The following LRRFIP1 variants were observed in gnomAD, a reference collection of about 807,000 sequenced individuals.
LRRFIP1 encodes leucine-rich repeat flightless-interacting protein 1.
Under a neutral mutation model 104.4 loss-of-function variants are expected in LRRFIP1, and 62 were observed. That is an observed-to-expected ratio of 0.59 (90% CI 0.48 to 0.73). LRRFIP1 has a LOEUF of 0.73. LRRFIP1 is among the 30% of genes least tolerant of loss of function. The pLI is 0.00. For missense variants in LRRFIP1, 796 were observed against 824.5 expected (o/e 0.97, Z 0.42); for synonymous variants, 300 against 299.0 (o/e 1.00, Z -0.03).
chr2:237,739,837 G>T (rs1039499871), intron 11 of LRRFIP1, among the ~76,000 whole-genome samples: 1 of 152,126 alleles, frequency 6.6e-6, no homozygotes, highest in Admixed American at 6.5e-5. Flanking sequence ...TCTCATTATT[G>T]TGTGTTTTCC....
At chr2:237,692,502 G>T in intron 1 of LRRFIP1, 4 of 1,532,690 alleles carry the variant, frequency 2.6e-6, no homozygotes, top group Non-Finnish European at 3.5e-6. Context: ...GACTGTTTGA[G>T]CCCGGAAGCG....
chr2:237,692,938 G>T lies in LRRFIP1; in HGVS notation c.97-15606G>T, dbSNP rs534777208. ...CCGCTGTTGGAACCACCGGGGAGCGGCTGGGGTGCTTTGGAGCACTCAACC... is the reference window on the plus strand; with the variant it reads ...CCGCTGTTGGAACCACCGGGGAGCGTCTGGGGTGCTTTGGAGCACTCAACC... On this transcript the variant is annotated intron_variant, in intron 1 of 23. Transcript: ENST00000308482. 3.6e-3 allele frequency among the ~76,000 whole-genome samples: 543 copies of T among 152,340 alleles called. 1 individual carries two copies. Among genetic ancestry groups the T allele is most frequent in the Non-Finnish European group, 3.4e-3 (229 of 68,026 alleles).
At chr2:237,632,205 A>ACCGCCCC (rs1559431295) in intron 1 of LRRFIP1, among the ~76,000 whole-genome samples, 3 of 149,796 alleles carry the variant, frequency 2.0e-5, no homozygotes, top group African/African-American at 2.5e-5. Flanking sequence ...AAGGGGTCAC[A>ACCGCCCC]CAGCCCCCAA....
In LRRFIP1 at chr2:237,711,614, G is replaced by T. The variant is rs370457397; in HGVS notation, c.184-2645G>T. On this transcript the variant is annotated intron_variant, in intron 2 of 23. Transcript: ENST00000308482. The surrounding 1 kb of genome is among the most constrained non-coding windows in gnomAD (Gnocchi z 4.4). ...GCGGCTGTGACACAGGGCGGGCGTC[G>T]TGGGCGCGGCTGTGGACTCCTGCCT... Among the ~76,000 whole-genome samples, 1 of 152,196 alleles carries T rather than the reference G, an allele frequency of 6.6e-6. No homozygotes were observed. The highest frequency in any genetic ancestry group is 2.4e-5 in the African/African-American group (1 of 41,446).
At chr2:237,740,687 C>A (rs58364859) in intron 11 of LRRFIP1, among the ~76,000 whole-genome samples, 1 of 152,216 alleles carries the variant, frequency 6.6e-6, no homozygotes, top group East Asian at 1.9e-4. Context: ...TACCTCGCAC[C>A]TGATACCTGC....
At chr2:237,702,151 A>AT (rs1404888563) in intron 1 of LRRFIP1, among the ~76,000 whole-genome samples, 1 of 152,088 alleles carries the variant, frequency 6.6e-6, no homozygotes, top group African/African-American at 2.4e-5. Context: ...TTCCTCGTGT[A>AT]TTTTTAGATC....
At chr2:237,729,205 G>A (rs1299101799) in intron 8 of LRRFIP1, among the ~76,000 whole-genome samples, 2 of 152,178 alleles carry the variant, frequency 1.3e-5, no homozygotes, top group African/African-American at 4.8e-5. Context: ...GGGATTACAG[G>A]CATGAGCCAT....
chr2:237,698,750 G>C (rs572153122), intron 1 of LRRFIP1, among the ~76,000 whole-genome samples: 2 of 152,254 alleles, frequency 1.3e-5, no homozygotes, highest in East Asian at 1.9e-4. Flanking sequence ...TGAGCACCAG[G>C]CACCCAGACC....
At chr2:237,660,304 TG>T (rs1316140236) in intron 1 of LRRFIP1, among the ~76,000 whole-genome samples, 1 of 152,242 alleles carries the variant, frequency 6.6e-6, no homozygotes, top group East Asian at 1.9e-4. Context: ...GGTTACCATC[TG>T]CCCACCCCAC....
At chr2:237,723,697 G>C (rs2150218072) in intron 7 of LRRFIP1, 111 bp downstream of exon 7, 4 of 1,377,020 alleles carry the variant, frequency 2.9e-6, no homozygotes, top group African/African-American at 2.8e-5. Flanking sequence ...GTTTTTGCCT[G>C]GGGGGCTATG....
intron 11 of LRRFIP1, among the ~76,000 whole-genome samples, chr2:237,747,323 G>C (rs1033541435): frequency 5.9e-5 from 9 of 152,232 alleles, no homozygotes. Context: ...TTGCAGGAGG[G>C]AAGGTGGCAG....
intron 1 of LRRFIP1, among the ~76,000 whole-genome samples, chr2:237,656,206 C>A (rs563697466): frequency 6.6e-6 from 1 of 152,230 alleles, no homozygotes; most frequent in East Asian, 1.9e-4. Context: ...CCAAGATTGT[C>A]TAGGCAAATC....
At chr2:237,752,756 A>G (rs1358143568) in intron 14 of LRRFIP1, among the ~76,000 whole-genome samples, 2 of 152,232 alleles carry the variant, frequency 1.3e-5, no homozygotes, top group African/African-American at 4.8e-5. Context: ...GGACCTACCC[A>G]GTGAGATCTG....
At position 237,764,048 on chromosome 2, in the gene LRRFIP1, A is replaced by G. The variant is rs3739039; in HGVS notation, c.1459+3843A>G. 0.012 allele frequency: 19,433 copies of G among 1,614,190 alleles called. 977 individuals carry two copies. The African/African-American group carries it at 0.14, about 12-fold the overall frequency. On this transcript the variant is annotated intron_variant, in intron 19 of 23. Transcript: ENST00000308482. ...GAACGATGACTTGTCGGCACCAGGA[A>G]GAGAGCCAGGGCACTTCAATCCAGA...
intron 6 of LRRFIP1, chr2:237,722,233 A>C (rs2094561315): frequency 6.6e-6 from 1 of 152,196 alleles, no homozygotes; most frequent in Non-Finnish European, 1.5e-5. Context: ...AAGAGAGAAT[A>C]GGAGGAGAGA....
At position 237,727,824 on chromosome 2, in the gene LRRFIP1, T is replaced by A; in HGVS notation, c.385-52T>A. On this transcript the variant is annotated intron_variant, in intron 7 of 23. Coordinates refer to ENST00000308482, the MANE Select transcript of LRRFIP1 (RefSeq NM_001137550.2). ...GTTGGTCCCTGCTGATTTGTACCTG[T>A]GAATTCATTTGTGTACTGATGTCAG... 2.2e-6 allele frequency: 3 copies of A among 1,371,632 alleles called. No homozygotes were observed. In the South Asian group the frequency reaches 3.7e-5, roughly 17 times the overall value. The allele number at this position is 1,371,632 out of a possible 1,614,324, so 85.0% of individuals were successfully genotyped here. A position where few individuals can be genotyped will look rare whatever the true frequency, so the allele number is the denominator to read the frequency against.
At chr2:237,698,457 TA>T (rs2093328871) in intron 1 of LRRFIP1, among the ~76,000 whole-genome samples, 2 of 152,242 alleles carry the variant, frequency 1.3e-5, no homozygotes, top group African/African-American at 4.8e-5. Flanking sequence ...AGTGCAGCCA[TA>T]GCTGAGAGAA....
At chr2:237,750,269 C>T (rs924197097) in intron 13 of LRRFIP1, among the ~76,000 whole-genome samples, 5 of 151,852 alleles carry the variant, frequency 3.3e-5, no homozygotes, top group African/African-American at 1.2e-4. Context: ...CCCTGGGCCA[C>T]CTGCAGCTCC....
rs750752456 is a variant in LRRFIP1 at position 237,661,827 on chromosome 2, T to C, written c.96+34087T>C. On this transcript the variant is annotated intron_variant, in intron 1 of 23. Transcript: ENST00000308482. This position sits in a 1 kb window ranked among gnomAD's most constrained non-coding sequence, Gnocchi z 4.4. ...AGTTCTGTGGCCCAGCTGAGTGGCA[T>C]AGGCTCTCCTGACCCAGGTACCTAT... 2.0e-5 allele frequency among the ~76,000 whole-genome samples: 3 copies of C among 152,180 alleles called. No homozygotes were observed. Among genetic ancestry groups the C allele is most frequent in the Non-Finnish European group, 2.9e-5 (2 of 68,026 alleles).
Sources: gnomAD v4.1 joint callset for allele counts (sites outside exome capture counted in the v4.1 genomes callset) on GRCh38, gnomAD v4.1.1 for gene constraint, Gnocchi (gnomAD v3.1) non-coding constraint, MANE v1.5 for transcripts, NCBI Gene and HGNC (gene_info 2026-07-23, HGNC 2026-07-21) for gene names.